The following C2CD2 variants were observed in gnomAD, a reference collection of about 807,000 sequenced individuals.
C2CD2 encodes the protein C2 calcium dependent domain containing 2, also known as C2 domain-containing protein 2.
In C2CD2, 43 loss-of-function variants were observed where a neutral mutation model predicts 74.3. The ratio of observed to expected loss-of-function variants is 0.58; its 90% CI spans 0.45 to 0.75. The LOEUF (loss-of-function observed/expected upper bound fraction) is 0.75. Among genes scored for constraint, C2CD2 ranks in the 30% least tolerant of loss-of-function variants. The pLI, the probability that C2CD2 is intolerant of heterozygous loss-of-function variation, is 0.00. For missense variants in C2CD2, 801 were observed against 916.3 expected (o/e 0.87, Z 1.63); for synonymous variants, 422 against 390.7 (o/e 1.08, Z -0.94).
intron 2 of C2CD2, among the ~76,000 whole-genome samples, chr21:41,931,712 T>C (rs1349855018): frequency 6.7e-6 from 1 of 150,300 alleles, no homozygotes; most frequent in Non-Finnish European, 1.5e-5. Context: ...TGAGCCACCA[T>C]GCCTGGCCAA....
At chr21:41,907,270 C>T (rs2064974470) in intron 9 of C2CD2, 104 bp from the exon 10 acceptor site, 2 of 942,458 alleles carry the variant, frequency 2.1e-6, no homozygotes, top group East Asian at 5.1e-5. Context: ...TTCATAATTC[C>T]TTCCCTTAAG....
At chr21:41,905,977 A>T in intron 10 of C2CD2, 140 bp from the exon 11 acceptor site, 1 of 672,096 alleles carries the variant, frequency 1.5e-6, no homozygotes, top group South Asian at 1.6e-5. Flanking sequence ...AGCTGTTTTG[A>T]GGGGAGGAGG....
Position 41,888,411 on chromosome 21 carries a change from G to GAGAAT in C2CD2, c.*708_*712dup, listed in dbSNP as rs1192855410. ...ATAGAGAAAAATGTAAAAACCATGT[G>GAGAAT]AGAATATATATATCTTCCACTTGCA... On this transcript the variant is annotated 3_prime_UTR_variant, in exon 14 of 14. Transcript: ENST00000380486. The GAGAAT allele has an allele frequency of 6.6e-6, 1 of 152,580 alleles. No individual in the cohort carries two copies. Among genetic ancestry groups the GAGAAT allele is most frequent in the African/African-American group, 2.4e-5 (1 of 41,414 alleles). 9.5% of individuals were successfully genotyped at this position (152,580 alleles called of 1,614,324 possible). A position where few individuals can be genotyped will look rare whatever the true frequency, so the allele number is the denominator to read the frequency against.
rs370485994 is a variant in C2CD2 at position 41,924,880 on chromosome 21, C to T, written c.379-2795G>A. Reference sequence around the variant, plus strand: ...CAGTTCTGCAGAAAGCTTCCCACCACGCACTCCCTGATACACAGAGAACCA... The same window carrying T: ...CAGTTCTGCAGAAAGCTTCCCACCATGCACTCCCTGATACACAGAGAACCA... On this transcript the variant is annotated intron_variant, in intron 2 of 13. Coordinates refer to ENST00000380486, the MANE Select transcript of C2CD2 (RefSeq NM_015500.2). This position sits in a 1 kb window ranked among gnomAD's most constrained non-coding sequence, Gnocchi z 4.4. 5.3e-5 allele frequency among the ~76,000 whole-genome samples: 8 copies of T among 152,132 alleles called. No individual in the cohort carries two copies. The East Asian group carries it at 5.8e-4, about 11-fold the overall frequency.
chr21:41,947,723 T>C (rs962982894), intron 1 of C2CD2, among the ~76,000 whole-genome samples: 2 of 152,256 alleles, frequency 1.3e-5, no homozygotes, highest in Non-Finnish European at 2.9e-5. Flanking sequence ...CACACAGATC[T>C]GATCTCACCT....
chr21:41,908,613 G>A (rs954011444), intron 8 of C2CD2: 1 of 152,110 alleles, frequency 6.6e-6, no homozygotes, highest in African/African-American at 2.4e-5. Context: ...CAAGGAAGTC[G>A]CCTCAGGATT....
chr21:41,907,871 G>A (rs2064982904), intron 8 of C2CD2, 87 bp from the exon 9 acceptor site: 1 of 1,414,802 alleles, frequency 7.1e-7, no homozygotes, highest in Non-Finnish European at 1.0e-6. Context: ...CCAGCAGCCG[G>A]AACACGCTCC....
At chr21:41,919,857 T>G (rs187810461) in intron 3 of C2CD2, among the ~76,000 whole-genome samples, 3,754 of 152,160 alleles carry the variant, frequency 0.025, 81 homozygotes, top group Non-Finnish European at 0.036. Flanking sequence ...ACTTGGCAGG[T>G]GCGACAGGGA....
intron 1 of C2CD2, among the ~76,000 whole-genome samples, chr21:41,943,482 T>C (rs981044011): frequency 6.6e-6 from 1 of 152,154 alleles, no homozygotes; most frequent in Admixed American, 6.5e-5. Flanking sequence ...GAAACTCTCC[T>C]AGAACTCTGT....
chr21:41,950,173 C>T (rs1423538742), intron 1 of C2CD2, among the ~76,000 whole-genome samples: 1 of 152,082 alleles, frequency 6.6e-6, no homozygotes, highest in Admixed American at 6.5e-5. Flanking sequence ...AAGAGGAACT[C>T]TGATGGATGG....
chr21:41,947,265 C>T, intron 1 of C2CD2, among the ~76,000 whole-genome samples: 1 of 151,262 alleles, frequency 6.6e-6, no homozygotes, highest in Non-Finnish European at 1.5e-5. Context: ...TCAAGCAATT[C>T]TCCTGCCTCA....
intron 3 of C2CD2, 59 bp downstream of exon 3, chr21:41,921,913 C>A: frequency 9.6e-7 from 1 of 1,041,120 alleles, no homozygotes. Context: ...CATGCTCACT[C>A]TTCACATTTC....
At chr21:41,918,580 G>C (rs1296629658) in intron 4 of C2CD2, among the ~76,000 whole-genome samples, 2 of 152,168 alleles carry the variant, frequency 1.3e-5, no homozygotes, top group Non-Finnish European at 2.9e-5. Context: ...GGGCAGGGAA[G>C]GCTTCAGGGT....
chr21:41,907,401 C>T (rs1180573541), intron 9 of C2CD2, among the ~76,000 whole-genome samples: 1 of 152,206 alleles, frequency 6.6e-6, no homozygotes, highest in Admixed American at 6.5e-5. Context: ...CCAAGCAAAA[C>T]TTTCAAAGGC....
chr21:41,947,139 TCC>T (rs1555906774), intron 1 of C2CD2, among the ~76,000 whole-genome samples: 11 of 122,364 alleles, frequency 9.0e-5, no homozygotes, highest in East Asian at 4.2e-4. Flanking sequence ...TCTCTCTCTC[TCC>T]CTCCCTCCCT....
chr21:41,948,333 T>C (rs1008926479), intron 1 of C2CD2, among the ~76,000 whole-genome samples: 3 of 147,492 alleles, frequency 2.0e-5, no homozygotes, highest in South Asian at 4.3e-4. Context: ...CCCCTGGCTC[T>C]GCCCCAGCTC....
chr21:41,952,362 T>G (rs915237799), intron 1 of C2CD2, among the ~76,000 whole-genome samples: 1 of 152,160 alleles, frequency 6.6e-6, no homozygotes, highest in Admixed American at 6.5e-5. Context: ...GGGCCCGCCA[T>G]GGAATATTTT....
chr21:41,897,332 C>G (rs218366), intron 13 of C2CD2, among the ~76,000 whole-genome samples: 37,021 of 152,110 alleles, frequency 0.24, 5,114 homozygotes, highest in Middle Eastern at 0.39. Context: ...ACGGGCCATC[C>G]AGTCAGGTAA....
At chr21:41,894,813 CA>C (rs773806651) in intron 13 of C2CD2, 35 of 456,636 alleles carry the variant, frequency 7.7e-5, no homozygotes, top group South Asian at 1.5e-4. Flanking sequence ...GCAGGGAGAA[CA>C]GGGCCCCCAG....
Sources: allele counts gnomAD v4.1 joint callset (sites outside exome capture counted in the v4.1 genomes callset), GRCh38; gene constraint gnomAD v4.1.1; non-coding constraint Gnocchi (gnomAD v3.1); transcripts MANE v1.5; gene names NCBI Gene and HGNC (gene_info 2026-07-23, HGNC 2026-07-21).